Variants in DNAH6 observed in about 807,000 individuals in gnomAD.
DNAH6 encodes the protein dynein axonemal heavy chain 6.
A neutral mutation model predicts 491.4 loss-of-function variants in DNAH6; 340 were observed. The ratio of observed to expected loss-of-function variants is 0.69; its 90% CI spans 0.63 to 0.76. The LOEUF (loss-of-function observed/expected upper bound fraction) is 0.76, where lower values mean the gene tolerates loss of function less well. Among genes scored for constraint, DNAH6 ranks in the 30% least tolerant of loss-of-function variants. The pLI is 0.00. For synonymous variants in DNAH6, 1,603 were observed against 1,686.1 expected (o/e 0.95, Z 1.21); for missense variants, 4,443 against 4,972.2 (o/e 0.89, Z 3.20).
chr2:84,518,283 A>G (rs913226266), intron 2 of DNAH6, among the ~76,000 whole-genome samples: 2 of 152,240 alleles, frequency 1.3e-5, no homozygotes, highest in East Asian at 3.8e-4. Context: ...TTTCAGGCAG[A>G]TAAGTCCTCT....
intron 68 of DNAH6, among the ~76,000 whole-genome samples, chr2:84,792,012 T>C (rs1677802306): frequency 6.6e-6 from 1 of 152,138 alleles, no homozygotes. Context: ...ACACAGAGAG[T>C]ATCGTATATA....
At chr2:84,539,157 G>GT (rs893273903) in intron 4 of DNAH6, among the ~76,000 whole-genome samples, 1 of 152,020 alleles carries the variant, frequency 6.6e-6, no homozygotes, top group African/African-American at 2.4e-5. Context: ...ACTATGGGCC[G>GT]TTTGGATTTT....
chr2:84,468,145 T>G, the DNAH6 span, among the ~76,000 whole-genome samples: 2 of 152,236 alleles, frequency 1.3e-5, no homozygotes, highest in African/African-American at 4.8e-5. Context: ...TTACCTGAAG[T>G]AAAAAGCGTT....
chr2:84,464,066 G>A, the DNAH6 span, among the ~76,000 whole-genome samples: 1 of 152,130 alleles, frequency 6.6e-6, no homozygotes, highest in Non-Finnish European at 1.5e-5. Context: ...CTAGGGTGAG[G>A]TGGATGTAGT....
intron 9 of DNAH6, among the ~76,000 whole-genome samples, chr2:84,552,048 C>CAAAAA (rs34353031): frequency 1.4e-5 from 1 of 70,792 alleles, no homozygotes; most frequent in Non-Finnish European, 3.1e-5. Flanking sequence ...AACTCCGTCT[C>CAAAAA]AAAAAAAAAA....
intron 44 of DNAH6, among the ~76,000 whole-genome samples, chr2:84,687,592 G>A (rs1157944073): frequency 1.3e-5 from 2 of 152,032 alleles, no homozygotes; most frequent in Non-Finnish European, 2.9e-5. Flanking sequence ...TTATTTTCCT[G>A]TGTGTTTCTA....
At chr2:84,654,235 T>C (rs1187780936) in intron 34 of DNAH6, among the ~76,000 whole-genome samples, 1 of 152,104 alleles carries the variant, frequency 6.6e-6, no homozygotes, top group East Asian at 1.9e-4. Flanking sequence ...ATATGAATAT[T>C]TGATGAGGGA....
In DNAH6 at chr2:84,703,998, ATT is replaced by A. The variant is rs1286701524; in HGVS notation, c.8230-68_8230-67del. ...CAAAGGGCAAATATGACTCACTATT[ATT>A]GGCTTTGTTTTGAATATTAAAATTC... On this transcript the variant is annotated intron_variant, in intron 50 of 76. Coordinates refer to ENST00000389394, the MANE Select transcript of DNAH6 (RefSeq NM_001370.2). The A allele has an allele frequency of 5.8e-6, 7 of 1,206,592 alleles. No homozygotes were observed. In the Admixed American group the frequency reaches 1.4e-4, roughly 23 times the overall value. The allele number at this position is 1,206,592 out of a possible 1,614,324, so 74.7% of individuals were successfully genotyped here.
intron 11 of DNAH6, among the ~76,000 whole-genome samples, chr2:84,566,986 A>T (rs570594009): frequency 4.6e-5 from 7 of 152,216 alleles, no homozygotes; most frequent in African/African-American, 1.7e-4. Context: ...TAAATTAGGG[A>T]TCTAAAAATA....
rs1386316514 is a variant in DNAH6, at chr2:84,713,192, T to C, written c.9476T>C (p.Ile3159Thr). Residue 3159 changes from isoleucine (I) to threonine (T), a missense_variant, in exon 57 of 77, where the codon ATT becomes ACT. Around this residue, in one of 3 missense-constraint regions of DNAH6, gnomAD observed 1,463 missense variants for 1,656.6 expected, o/e 0.88. Coordinates refer to ENST00000389394, the MANE Select transcript of DNAH6 (RefSeq NM_001370.2). ...CTCATCCGTCTTGGAGACTCAGACA[T>C]TGATTATGACAAAAACTTTAGGTTC... ...RLLIRLGDSD[I>T]DYDKNFRFYM... is the part of the protein sequence containing the mutation. 6.4e-7 allele frequency: 1 copy of C among 1,552,050 alleles called. No individual in the cohort carries two copies. Among genetic ancestry groups the C allele is most frequent in the African/African-American group, 1.4e-5 (1 of 73,192 alleles).
Position 84,722,651 on chromosome 2 carries a change from G to C in DNAH6, c.9819G>C (p.Arg3273Ser). The change falls in exon 60 of 77, where the codon AGG becomes AGC. Residue 3273 changes from arginine to serine, a missense_variant. Transcript: ENST00000389394. Reference sequence around the variant, plus strand: ...TCACTTCTGGTGCCATTAAAACCAGGCTGGAAGAAGCAGAGTCCACTGAGC... The same window carrying C: ...TCACTTCTGGTGCCATTAAAACCAGCCTGGAAGAAGCAGAGTCCACTGAGC... ...SKITSGAIKT[R>S]LEEAESTEQM... is the part of the protein sequence containing the mutation. 6.5e-7 allele frequency: 1 copy of C among 1,549,770 alleles called. No homozygotes were observed. The highest frequency in any genetic ancestry group is 8.7e-7 in the Non-Finnish European group (1 of 1,146,406).
chr2:84,480,979 A>G, the DNAH6 span, among the ~76,000 whole-genome samples: 2 of 152,202 alleles, frequency 1.3e-5, no homozygotes, highest in South Asian at 4.1e-4. Flanking sequence ...AAAAGAAAAA[A>G]AAAAAGTCGT....
chr2:84,683,700 G>C (rs948171760), intron 42 of DNAH6, among the ~76,000 whole-genome samples: 1 of 152,042 alleles, frequency 6.6e-6, no homozygotes, highest in African/African-American at 2.4e-5. Context: ...TGGGATTACA[G>C]GTGTGAGCCA....
chr2:84,637,929 G>C (rs1469978945), intron 31 of DNAH6, among the ~76,000 whole-genome samples: 1 of 151,894 alleles, frequency 6.6e-6, no homozygotes, highest in Non-Finnish European at 1.5e-5. Flanking sequence ...TTAAATGCTA[G>C]CCAAAAATTG....
chr2:84,795,021 C>G (rs1354695513), intron 68 of DNAH6, among the ~76,000 whole-genome samples: 3 of 149,526 alleles, frequency 2.0e-5, no homozygotes, highest in Non-Finnish European at 3.0e-5. Context: ...AGTTCATGTC[C>G]TTTGTAGGGA....
chr2:84,506,240 C>T, the DNAH6 span, among the ~76,000 whole-genome samples: 2 of 152,154 alleles, frequency 1.3e-5, no homozygotes, highest in African/African-American at 4.8e-5. Context: ...TGTTTCCTGA[C>T]TTTTTAAAGA....
intron 37 of DNAH6, among the ~76,000 whole-genome samples, chr2:84,668,578 C>T (rs554339837): frequency 3.3e-5 from 5 of 152,128 alleles, no homozygotes; most frequent in South Asian, 4.1e-4. Flanking sequence ...CTGTATGCAG[C>T]GCTCTCATGC....
chr2:84,593,823 C>G, intron 16 of DNAH6, 149 bp from the exon 17 acceptor site: 1 of 271,778 alleles, frequency 3.7e-6, no homozygotes, highest in Non-Finnish European at 6.7e-6. Flanking sequence ...TTTTTTTCTT[C>G]ATCTGTTTCT....
chr2:84,551,107 AG>A (rs1028621474), intron 9 of DNAH6, among the ~76,000 whole-genome samples: 1 of 152,194 alleles, frequency 6.6e-6, no homozygotes, highest in Admixed American at 6.5e-5. Flanking sequence ...CCACCCTCAC[AG>A]CTTAAATCTC....
Sources: gnomAD v4.1 joint callset for allele counts (sites outside exome capture counted in the v4.1 genomes callset) on GRCh38, gnomAD v4.1.1 for gene constraint, gnomAD v4.1.1 regional missense constraint, MANE v1.5 for transcripts, NCBI Gene and HGNC (gene_info 2026-07-23, HGNC 2026-07-21) for gene names.